Variants in SMAP1 observed in about 807,000 individuals in gnomAD.
SMAP1 encodes stromal membrane-associated protein 1.
Under a neutral mutation model 58.5 loss-of-function variants are expected in SMAP1, and 24 were observed. The observed-to-expected ratio is 0.41, with a 90% CI of 0.30 to 0.58. SMAP1 has a LOEUF of 0.58. Among genes scored for constraint, SMAP1 ranks in the 20% least tolerant of loss-of-function variants. The probability of loss-of-function intolerance (pLI) is 0.29; values close to 1 mark genes in which losing one functional copy is unlikely to be tolerated. For synonymous variants in SMAP1, 216 were observed against 196.6 expected, an observed-to-expected ratio of 1.10 and a Z score of -0.82; for missense variants, 563 against 566.3, an observed-to-expected ratio of 0.99 and a Z score of 0.06.
chr6:70,694,069 A>G, intron 1 of SMAP1: 1 of 210,680 alleles, frequency 4.7e-6, no homozygotes, highest in Non-Finnish European at 9.5e-6. Flanking sequence ...AACTATACCA[A>G]CCCTCTTGAA....
At chr6:70,726,599 C>T (rs1017983294) in intron 1 of SMAP1, among the ~76,000 whole-genome samples, 3 of 152,114 alleles carry the variant, frequency 2.0e-5, no homozygotes, top group Admixed American at 2.0e-4. Flanking sequence ...GCTAGTTCAT[C>T]ATGGTAATCA....
At chr6:70,796,359 G>T (rs913440035) in intron 5 of SMAP1, among the ~76,000 whole-genome samples, 1 of 152,138 alleles carries the variant, frequency 6.6e-6, no homozygotes, top group Non-Finnish European at 1.5e-5. Flanking sequence ...CCTCAGTCCT[G>T]CTACTAGCTT....
chr6:70,849,437 A>G (rs202008193), intron 7 of SMAP1, among the ~76,000 whole-genome samples: 4 of 141,040 alleles, frequency 2.8e-5, no homozygotes, highest in African/African-American at 5.2e-5. Flanking sequence ...TAATAAAAAA[A>G]ACACATGGAA....
At chr6:70,733,450 T>C (rs1162279238) in intron 2 of SMAP1, among the ~76,000 whole-genome samples, 3 of 152,202 alleles carry the variant, frequency 2.0e-5, no homozygotes, top group Non-Finnish European at 4.4e-5. Context: ...ATACTAGTTA[T>C]ATCAAAGAAG....
At chr6:70,764,006 G>A (rs1389813094) in intron 3 of SMAP1, among the ~76,000 whole-genome samples, 2 of 152,044 alleles carry the variant, frequency 1.3e-5, no homozygotes, top group Non-Finnish European at 2.9e-5. Context: ...TCTGTGTCCT[G>A]GGCTCAAGCG....
At chr6:70,688,028 T>C (rs1667549352) in intron 1 of SMAP1, among the ~76,000 whole-genome samples, 1 of 152,194 alleles carries the variant, frequency 6.6e-6, no homozygotes, top group African/African-American at 2.4e-5. Flanking sequence ...AATTTTGCCA[T>C]TTCAAAAATG....
intron 1 of SMAP1, among the ~76,000 whole-genome samples, chr6:70,682,170 A>ATTTTTTTTTTTTTTTTTTTT (rs66981900): frequency 1.0e-5 from 1 of 95,920 alleles, no homozygotes; most frequent in South Asian, 3.5e-4. Context: ...CTCTGCACAG[A>ATTTTTTTTTTTTTTTTTTTT]TTTTTTTTTT....
intron 4 of SMAP1, among the ~76,000 whole-genome samples, chr6:70,776,703 G>A (rs973962460): frequency 2.0e-5 from 3 of 151,966 alleles, no homozygotes; most frequent in Admixed American, 6.6e-5. Context: ...CATGAGTTCA[G>A]TTTTTCTTAG....
At chr6:70,838,990 G>C (rs1369769384) in intron 7 of SMAP1, among the ~76,000 whole-genome samples, 2 of 152,060 alleles carry the variant, frequency 1.3e-5, no homozygotes, top group South Asian at 2.1e-4. Flanking sequence ...ATACTTTCAG[G>C]ACAAGGAAAA....
At chr6:70,839,343 G>C (rs1770716513) in intron 7 of SMAP1, among the ~76,000 whole-genome samples, 1 of 152,116 alleles carries the variant, frequency 6.6e-6, no homozygotes. Flanking sequence ...CAGATTTTAG[G>C]GTTTGGTTGT....
At position 70,764,369 on chromosome 6, in the gene SMAP1, G is replaced by C. The variant is rs77645451; in HGVS notation, c.339-8981G>C. On this transcript the variant is annotated intron_variant, in intron 3 of 10. Coordinates refer to ENST00000370455, the MANE Select transcript of SMAP1 (RefSeq NM_001044305.3). ...ACTAAACAGCCTTCTGTTGGAAGAA[G>C]ATGCCATTGAGGACGTTCATACTGG... Among the ~76,000 whole-genome samples the C allele has an allele frequency of 2.2e-3, 329 of 152,350 alleles. 2 individuals carry two copies. Among genetic ancestry groups the C allele is most frequent in the African/African-American group, 7.3e-3 (303 of 41,584 alleles).
chr6:70,744,311 C>G (rs1051670599), intron 2 of SMAP1, among the ~76,000 whole-genome samples: 1 of 152,056 alleles, frequency 6.6e-6, no homozygotes, highest in African/African-American at 2.4e-5. Flanking sequence ...TCTCCTAATG[C>G]TAACCCTCCC....
At chr6:70,679,883 A>G (rs1181180555) in intron 1 of SMAP1, among the ~76,000 whole-genome samples, 1 of 152,188 alleles carries the variant, frequency 6.6e-6, no homozygotes, top group Non-Finnish European at 1.5e-5. Context: ...TGACAAGCTG[A>G]TTCTAAAATT....
intron 1 of SMAP1, among the ~76,000 whole-genome samples, chr6:70,681,939 G>T (rs1231083364): frequency 6.6e-6 from 1 of 152,136 alleles, no homozygotes; most frequent in Admixed American, 6.5e-5. Flanking sequence ...TCTCTAAGAA[G>T]CAAGTGTGGC....
At chr6:70,844,921 A>G (rs1423902184) in intron 7 of SMAP1, among the ~76,000 whole-genome samples, 1 of 152,226 alleles carries the variant, frequency 6.6e-6, no homozygotes, top group East Asian at 1.9e-4. Flanking sequence ...GCCATTAAGG[A>G]GAGAATCACT....
intron 1 of SMAP1, among the ~76,000 whole-genome samples, chr6:70,717,383 A>G (rs1368996988): frequency 1.3e-5 from 2 of 152,194 alleles, no homozygotes; most frequent in Non-Finnish European, 2.9e-5. Context: ...TTAGGAGCCA[A>G]ATCCTCTAAG....
chr6:70,730,975 T>G (rs1294988404), intron 1 of SMAP1, among the ~76,000 whole-genome samples: 1 of 152,128 alleles, frequency 6.6e-6, no homozygotes, highest in East Asian at 1.9e-4. Flanking sequence ...AATTTTTGTA[T>G]TTTTAGTAGA....
At chr6:70,796,421 T>C (rs1273044510) in intron 5 of SMAP1, among the ~76,000 whole-genome samples, 4 of 152,220 alleles carry the variant, frequency 2.6e-5, no homozygotes, top group African/African-American at 9.6e-5. Context: ...GTTTCTTCAT[T>C]TGTAAGATGA....
intron 2 of SMAP1, among the ~76,000 whole-genome samples, chr6:70,752,418 C>T (rs757028012): frequency 6.6e-6 from 1 of 152,322 alleles, no homozygotes; most frequent in Non-Finnish European, 1.5e-5. Context: ...AACATCTTTA[C>T]AGATTCTGTT....
Sources: allele counts gnomAD v4.1 joint callset (sites outside exome capture counted in the v4.1 genomes callset), GRCh38; gene constraint gnomAD v4.1.1; transcripts MANE v1.5; gene names NCBI Gene and HGNC (gene_info 2026-07-23, HGNC 2026-07-21).